Variants in NUP160 observed in about 807,000 individuals in gnomAD.
NUP160 encodes the protein nucleoporin 160, also known as nuclear pore complex protein Nup160.
A neutral mutation model predicts 196.9 loss-of-function variants in NUP160; 94 were observed. The ratio of observed to expected loss-of-function variants is 0.48; its 90% CI spans 0.40 to 0.57. The LOEUF (loss-of-function observed/expected upper bound fraction) is 0.57, where lower values mean the gene tolerates loss of function less well. NUP160 is among the 20% of genes least tolerant of loss of function. The pLI, the probability that NUP160 is intolerant of heterozygous loss-of-function variation, is 0.00. For missense variants in NUP160, 1,638 were observed against 1,748.3 expected, an observed-to-expected ratio of 0.94 and a Z score of 1.13; for synonymous variants, 605 against 619.7, an observed-to-expected ratio of 0.98 and a Z score of 0.35.
chr11:47,829,742 T>C (rs1009255906), intron 7 of NUP160, among the ~76,000 whole-genome samples: 3 of 152,136 alleles, frequency 2.0e-5, no homozygotes, highest in Admixed American at 1.3e-4. Context: ...GACTTAAACA[T>C]AACACGCAAA....
At chr11:47,848,445 G>GC in exon 1 of NUP160, 1 of 1,497,070 alleles carries the variant, frequency 6.7e-7, no homozygotes, top group Non-Finnish European at 8.9e-7. Flanking sequence ...GGCGGCTCCG[G>GC]CCCTTCGTTG....
intron 7 of NUP160, among the ~76,000 whole-genome samples, chr11:47,828,153 GC>G (rs778919938): frequency 3.9e-4 from 60 of 152,262 alleles, no homozygotes; most frequent in Non-Finnish European, 6.2e-4. Flanking sequence ...ACAGGTGTGA[GC>G]CATTGTAATC....
intron 14 of NUP160, 61 bp downstream of exon 14, chr11:47,813,255 A>C: frequency 7.9e-7 from 1 of 1,271,024 alleles, no homozygotes; most frequent in Non-Finnish European, 1.1e-6. Flanking sequence ...TATCCATGTG[A>C]AACGAAGCAT....
At chr11:47,779,719 C>A in intron 35 of NUP160, 1 of 391,948 alleles carries the variant, frequency 2.6e-6, no homozygotes, top group Non-Finnish European at 5.0e-6. Context: ...ATTTATCACA[C>A]TGTATTTCTT....
intron 17 of NUP160, among the ~76,000 whole-genome samples, chr11:47,808,853 C>A (rs1260563801): frequency 6.6e-6 from 1 of 152,132 alleles, no homozygotes; most frequent in Non-Finnish European, 1.5e-5. Flanking sequence ...GTAATCCCAG[C>A]ACTTTGGGAG....
chr11:47,839,882 C>T, exon 4 of NUP160: 2 of 1,614,068 alleles, frequency 1.2e-6, no homozygotes, highest in African/African-American at 1.3e-5. Context: ...ACAAAGATTC[C>T]CCCAGAAGCA....
intron 31 of NUP160, among the ~76,000 whole-genome samples, chr11:47,787,265 T>C (rs1253378529): frequency 1.3e-5 from 2 of 151,738 alleles, no homozygotes; most frequent in African/African-American, 4.8e-5. Context: ...CTTTTGTATT[T>C]TTAGTAGAGA....
chr11:47,793,384 C>G (rs560632471), intron 27 of NUP160, among the ~76,000 whole-genome samples: 18 of 152,112 alleles, frequency 1.2e-4, no homozygotes, highest in African/African-American at 2.4e-4. Context: ...CCCCTGCCCC[C>G]CCTCCCCAAA....
exon 29 of NUP160, chr11:47,791,984 G>C (rs746839583): frequency 1.2e-6 from 2 of 1,605,748 alleles, no homozygotes; most frequent in African/African-American, 1.3e-5. Context: ...GCTCCAGGGC[G>C]ATCATACTGA....
intron 11 of NUP160, among the ~76,000 whole-genome samples, chr11:47,817,636 C>T (rs190914585): frequency 3.2e-4 from 49 of 152,300 alleles, no homozygotes; most frequent in South Asian, 2.3e-3. Flanking sequence ...TGAGCCACCA[C>T]GCCCGGCCTA....
chr11:47,835,579 A>C, intron 7 of NUP160, 72 bp downstream of exon 7: 1 of 1,296,558 alleles, frequency 7.7e-7, no homozygotes. Flanking sequence ...GAACAGACTC[A>C]CTGAGTCTAC....
chr11:47,846,787 C>T (rs1045478999), intron 2 of NUP160, among the ~76,000 whole-genome samples: 1 of 152,146 alleles, frequency 6.6e-6, no homozygotes, highest in Non-Finnish European at 1.5e-5. Flanking sequence ...GGTACATGTG[C>T]AGGTTTGTTA....
chr11:47,788,168 A>C lies in NUP160; in HGVS notation c.3746+14T>G, dbSNP rs1565187523. The C allele has an allele frequency of 6.3e-7, 1 of 1,596,256 alleles. No individual in the cohort carries two copies. Among genetic ancestry groups the C allele is most frequent in the Non-Finnish European group, 8.5e-7 (1 of 1,171,578 alleles). Reference sequence around the variant, plus strand: ...GCATTAGAAAAGACTATAAAAAAATAATTTTATACATACTTGAAGGCAAGC... The same window carrying C: ...GCATTAGAAAAGACTATAAAAAAATCATTTTATACATACTTGAAGGCAAGC... On this transcript the variant is annotated intron_variant, in intron 31 of 35. Transcript: ENST00000378460.
At chr11:47,812,023 A>T in intron 17 of NUP160, 41 bp downstream of exon 17, 1 of 1,601,802 alleles carries the variant, frequency 6.2e-7, no homozygotes, top group Non-Finnish European at 8.5e-7. Flanking sequence ...GGCCTATAAC[A>T]GGTTTTAGAT....
At chr11:47,805,214 C>T (rs1013471413) in intron 20 of NUP160, among the ~76,000 whole-genome samples, 3 of 151,952 alleles carry the variant, frequency 2.0e-5, no homozygotes, top group Non-Finnish European at 4.4e-5. Flanking sequence ...ACTGCAACCT[C>T]TGCCTCCAAG....
chr11:47,779,115 C>T (rs761317101), exon 36 of NUP160: 25 of 1,612,796 alleles, frequency 1.6e-5, no homozygotes, highest in South Asian at 6.6e-5. Context: ...TCACAAGGTC[C>T]GACGATATAA....
At chr11:47,827,283 G>C in intron 7 of NUP160, 1 of 386,114 alleles carries the variant, frequency 2.6e-6, no homozygotes, top group South Asian at 1.9e-5. Flanking sequence ...AGGATCGCTT[G>C]AACCTGAGAG....
intron 2 of NUP160, among the ~76,000 whole-genome samples, chr11:47,842,073 T>G (rs889931495): frequency 6.6e-6 from 1 of 152,112 alleles, no homozygotes; most frequent in African/African-American, 2.4e-5. Flanking sequence ...ACTTGATCTC[T>G]TAGCAGCATT....
chr11:47,795,128 A>G (rs2097670162), intron 27 of NUP160, among the ~76,000 whole-genome samples: 1 of 152,142 alleles, frequency 6.6e-6, no homozygotes, highest in Non-Finnish European at 1.5e-5. Context: ...TCTCATTTTT[A>G]TAATACTTTA....
Sources: gnomAD v4.1 joint callset for allele counts (sites outside exome capture counted in the v4.1 genomes callset) on GRCh38, gnomAD v4.1.1 for gene constraint, MANE v1.5 for transcripts, NCBI Gene and HGNC (gene_info 2026-07-23, HGNC 2026-07-21) for gene names.